Variants in CAMK1D observed in about 807,000 individuals in gnomAD.
CAMK1D encodes calcium/calmodulin dependent protein kinase ID, also known as calcium/calmodulin-dependent protein kinase type 1D.
In CAMK1D, 9 loss-of-function variants were observed where a neutral mutation model predicts 47.7. That is an observed-to-expected ratio of 0.19 (90% CI 0.11 to 0.33). The LOEUF (loss-of-function observed/expected upper bound fraction) is 0.33. Ranked by LOEUF, CAMK1D falls within the 10% of genes least tolerant of loss-of-function variation. The probability of loss-of-function intolerance (pLI) is 1.00; values close to 1 mark genes in which losing one functional copy is unlikely to be tolerated. For synonymous variants in CAMK1D, 184 were observed against 184.9 expected, an observed-to-expected ratio of 0.99 and a Z score of 0.04; for missense variants, 291 against 488.7, an observed-to-expected ratio of 0.60 and a Z score of 3.81.
intron 5 of CAMK1D, among the ~76,000 whole-genome samples, chr10:12,781,972 GTTT>G (rs58759372): frequency 0.25 from 32,009 of 127,610 alleles, 3,377 homozygotes; most frequent in Middle Eastern, 0.34. Flanking sequence ...TAATTTAATT[GTTT>G]TTTTTTTTTT....
intron 1 of CAMK1D, among the ~76,000 whole-genome samples, chr10:12,453,372 T>C (rs763423958): frequency 6.6e-6 from 1 of 151,956 alleles, no homozygotes; most frequent in Non-Finnish European, 1.5e-5. Context: ...GTATTTTTAG[T>C]AGAGATGGGG....
At chr10:12,394,459 A>C (rs546393855) in intron 1 of CAMK1D, among the ~76,000 whole-genome samples, 2 of 152,290 alleles carry the variant, frequency 1.3e-5, no homozygotes, top group Admixed American at 1.3e-4. Context: ...TTCCCCTGGT[A>C]ACCAGCCCCC....
intron 2 of CAMK1D, among the ~76,000 whole-genome samples, chr10:12,630,141 G>A (rs1017823751): frequency 2.6e-5 from 4 of 152,090 alleles, no homozygotes; most frequent in Non-Finnish European, 5.9e-5. Flanking sequence ...TAAAAATGAA[G>A]CCCCATCTCT....
chr10:12,814,295 A>G lies in CAMK1D; in HGVS notation c.742A>G (p.Ile248Val). ...YEFDSPYWDD[I>V]SDSAKDFIRN... ...GTTTGACTCTCCCTACTGGGATGAC[A>G]TCTCCGACTCTGGTAGGTCTCCCAT... The change falls in exon 7 of 11, where the codon ATC (isoleucine) becomes GTC (valine). Residue 248 changes from isoleucine to valine, a missense_variant. By Grantham distance (29) the Ile-to-Val change is conservative (BLOSUM62 3). Coordinates refer to ENST00000619168, the MANE Select transcript of CAMK1D (RefSeq NM_153498.4). 1 of 1,609,812 alleles carries G rather than the reference A, an allele frequency of 6.2e-7. No individual in the cohort carries two copies. The highest frequency in any genetic ancestry group is 8.5e-7 in the Non-Finnish European group (1 of 1,176,240).
At chr10:12,801,651 ATCTG>A (rs527825594) in intron 6 of CAMK1D, among the ~76,000 whole-genome samples, 125 of 152,018 alleles carry the variant, frequency 8.2e-4, no homozygotes, top group African/African-American at 2.8e-3. Flanking sequence ...TATCCATCTC[ATCTG>A]TCTATCTTCA....
chr10:12,361,370 C>G (rs1837656312), intron 1 of CAMK1D, among the ~76,000 whole-genome samples: 1 of 151,094 alleles, frequency 6.6e-6, no homozygotes, highest in Non-Finnish European at 1.5e-5. Context: ...CCTCAGCCTC[C>G]CGAGTATATG....
At chr10:12,502,760 C>T (rs1182320046) in intron 1 of CAMK1D, among the ~76,000 whole-genome samples, 2 of 152,150 alleles carry the variant, frequency 1.3e-5, no homozygotes, top group East Asian at 3.9e-4. Flanking sequence ...GAAGGCAGAG[C>T]GCTGGGAAGG....
chr10:12,802,766 C>T (rs1588947570), intron 6 of CAMK1D, among the ~76,000 whole-genome samples: 2 of 152,338 alleles, frequency 1.3e-5, no homozygotes, highest in South Asian at 2.1e-4. Flanking sequence ...ATGATCCGTC[C>T]ACCGTGGCCT....
chr10:12,592,626 C>A (rs747038322), intron 2 of CAMK1D, among the ~76,000 whole-genome samples: 24 of 152,252 alleles, frequency 1.6e-4, no homozygotes, highest in Non-Finnish European at 2.9e-4. Flanking sequence ...CAGTTTCATG[C>A]CCCTTATTTC....
chr10:12,427,920 A>C (rs868790123), intron 1 of CAMK1D, among the ~76,000 whole-genome samples: 1 of 150,936 alleles, frequency 6.6e-6, no homozygotes, highest in South Asian at 2.1e-4. Flanking sequence ...GTTAGCCAGG[A>C]TGGTCTCGAT....
At chr10:12,661,490 C>G (rs1405966623) in intron 2 of CAMK1D, among the ~76,000 whole-genome samples, 1 of 152,138 alleles carries the variant, frequency 6.6e-6, no homozygotes, top group African/African-American at 2.4e-5. Flanking sequence ...AAAATAATAC[C>G]TACTTCATGG....
chr10:12,815,487 T>C lies in CAMK1D; in HGVS notation c.755-763T>C, dbSNP rs192103323. Reference sequence around the variant, plus strand: ...GGCCTGGAGTATAGTTGTACAAGGCTCGCGGGAAAGAGCCACATGGGAAGT... The same window carrying C: ...GGCCTGGAGTATAGTTGTACAAGGCCCGCGGGAAAGAGCCACATGGGAAGT... On this transcript the variant is annotated intron_variant, in intron 7 of 10. Coordinates refer to ENST00000619168, the MANE Select transcript of CAMK1D (RefSeq NM_153498.4). Among the ~76,000 whole-genome samples, 10 of 152,344 alleles carry C rather than the reference T, an allele frequency of 6.6e-5. No homozygotes were observed. The East Asian group carries it at 1.9e-3, about 29-fold the overall frequency.
At chr10:12,747,119 T>G (rs1044313112) in intron 3 of CAMK1D, among the ~76,000 whole-genome samples, 1 of 151,852 alleles carries the variant, frequency 6.6e-6, no homozygotes, top group African/African-American at 2.4e-5. Context: ...GCAGCCTCCA[T>G]CTCCTGGGTT....
intron 1 of CAMK1D, among the ~76,000 whole-genome samples, chr10:12,498,652 G>A (rs753735559): frequency 2.6e-5 from 4 of 152,186 alleles, no homozygotes; most frequent in Non-Finnish European, 5.9e-5. Flanking sequence ...GAGTGGAGAT[G>A]AAACTGAAAA....
intron 1 of CAMK1D, among the ~76,000 whole-genome samples, chr10:12,514,366 A>T (rs1835127479): frequency 6.6e-6 from 1 of 152,212 alleles, no homozygotes; most frequent in African/African-American, 2.4e-5. Flanking sequence ...TGCATCAAGT[A>T]AATAAAAATT....
chr10:12,598,897 T>C (rs1482278033), intron 2 of CAMK1D, among the ~76,000 whole-genome samples: 2 of 152,196 alleles, frequency 1.3e-5, no homozygotes. Context: ...TATCTCGATG[T>C]GTGTGATGTG....
At chr10:12,646,073 TA>T in intron 2 of CAMK1D, among the ~76,000 whole-genome samples, 1 of 152,194 alleles carries the variant, frequency 6.6e-6, no homozygotes, top group African/African-American at 2.4e-5. Flanking sequence ...ATTACTTACT[TA>T]AAAAAATTCT....
chr10:12,779,242 G>A (rs882910), intron 5 of CAMK1D, among the ~76,000 whole-genome samples: 34,324 of 152,014 alleles, frequency 0.23, 4,068 homozygotes, highest in East Asian at 0.46. Flanking sequence ...CTTGGTCTCG[G>A]CAATAAGAGA....
At position 12,581,552 on chromosome 10, in the gene CAMK1D, T is replaced by G. The variant is rs138428880; in HGVS notation, c.224+28196T>G. Among the ~76,000 whole-genome samples, 123 of 152,324 alleles carry G rather than the reference T, an allele frequency of 8.1e-4. 1 individual carries two copies. Among genetic ancestry groups the G allele is most frequent in the African/African-American group, 2.8e-3 (116 of 41,570 alleles). On this transcript the variant is annotated intron_variant, in intron 2 of 10. Coordinates refer to ENST00000619168, the MANE Select transcript of CAMK1D (RefSeq NM_153498.4). ...TCACCGCATCCCCACCAACATCTAC[T>G]GTTTTTTGATTTTTTGATTATGGCC...
Sources: gnomAD v4.1 joint callset for allele counts (sites outside exome capture counted in the v4.1 genomes callset) on GRCh38, gnomAD v4.1.1 for gene constraint, MANE v1.5 for transcripts, NCBI Gene and HGNC (gene_info 2026-07-23, HGNC 2026-07-21) for gene names.